GAREM2: variants seen among roughly 807,000 people sequenced by gnomAD.
GAREM2 encodes the protein GRB2-associated and regulator of MAPK protein 2.
In GAREM2, 30 loss-of-function variants were observed where a neutral mutation model predicts 55.6. The ratio of observed to expected loss-of-function variants is 0.54; its 90% CI spans 0.40 to 0.73. GAREM2 has a LOEUF of 0.73. GAREM2 is among the 30% of genes least tolerant of loss of function. The pLI is 0.00. For missense variants in GAREM2, 1,075 were observed against 1,257.7 expected, an observed-to-expected ratio of 0.85 and a Z score of 2.20; for synonymous variants, 550 against 569.1, an observed-to-expected ratio of 0.97 and a Z score of 0.48.
intron 1 of GAREM2, among the ~76,000 whole-genome samples, chr2:26,175,477 T>TGAGGG (rs988968621): frequency 2.0e-5 from 3 of 152,032 alleles, no homozygotes; most frequent in Non-Finnish European, 4.4e-5. Context: ...ACTGGGAGGA[T>TGAGGG]GAGGGGGCGT....
Position 26,182,444 on chromosome 2 carries a change from C to A in GAREM2, c.254-523C>A, listed in dbSNP as rs1669081014. On this transcript the variant is annotated intron_variant, in intron 2 of 5. Coordinates refer to ENST00000401533, the MANE Select transcript of GAREM2 (RefSeq NM_001168241.2). ...CCAGGCCCTGGTTGGCCCAGTGCCA[C>A]CTCCATGCGGATCAGCAGCCCAGGG... The A allele has an allele frequency of 2.6e-6, 4 of 1,550,380 alleles. No individual in the cohort carries two copies. In the African/African-American group the frequency reaches 4.1e-5, roughly 16 times the overall value.
downstream of GAREM2, chr2:26,189,750 C>CTGA (rs1669432349): frequency 6.6e-6 from 1 of 152,276 alleles, no homozygotes; most frequent in African/African-American, 2.4e-5. Flanking sequence ...CAGGAGAGGA[C>CTGA]TGATGGAGGA....
At chr2:26,189,899 C>G (rs1669439123), downstream of GAREM2, among the ~76,000 whole-genome samples, 1 of 152,206 alleles carries the variant, frequency 6.6e-6, no homozygotes, top group Non-Finnish European at 1.5e-5. Context: ...CAACATAATT[C>G]ACACCTACCT....
At chr2:26,173,396 G>A in intron 1 of GAREM2, 64 bp downstream of exon 1, 1 of 933,536 alleles carries the variant, frequency 1.1e-6, no homozygotes, top group Non-Finnish European at 1.4e-6. Flanking sequence ...TCCAGCCAGG[G>A]GCCAGAGGGA....
the GAREM2 span, among the ~76,000 whole-genome samples, chr2:26,196,744 C>G: frequency 6.6e-6 from 1 of 152,196 alleles, no homozygotes; most frequent in Non-Finnish European, 1.5e-5. Flanking sequence ...TTGCTCTGCT[C>G]CGATGGCGGG....
chr2:26,174,490 G>A (rs1359971495), intron 1 of GAREM2, among the ~76,000 whole-genome samples: 1 of 152,210 alleles, frequency 6.6e-6, no homozygotes, highest in Non-Finnish European at 1.5e-5. Context: ...GGGCTCCCCG[G>A]CCACCTCATG....
chr2:26,186,065 C>G (rs968200519), intron 4 of GAREM2, 124 bp from the exon 5 acceptor site: 1 of 937,640 alleles, frequency 1.1e-6, no homozygotes, highest in Non-Finnish European at 1.5e-6. Flanking sequence ...TGCAAGGCAG[C>G]CTATTGGCAA....
intron 1 of GAREM2, among the ~76,000 whole-genome samples, chr2:26,175,625 C>G (rs188184767): frequency 6.6e-6 from 1 of 152,102 alleles, no homozygotes; most frequent in Non-Finnish European, 1.5e-5. Flanking sequence ...TGGGGACTCC[C>G]CCCCTCTCCT....
At chr2:26,186,705 G>A (rs1452286060) in intron 5 of GAREM2, among the ~76,000 whole-genome samples, 1 of 152,246 alleles carries the variant, frequency 6.6e-6, no homozygotes, top group East Asian at 1.9e-4. Context: ...GCCAGGTGCG[G>A]TGGCTGATGC....
At position 26,178,889 on chromosome 2, in the gene GAREM2, A is replaced by AGGAGGCGGAGGAGGAGGCGGAGGC. The variant is rs577641882; in HGVS notation, c.253+2416_253+2417insAGGAGGCGGAGGCGGAGGCGGAGG. ...GTCCGCCCGCACGGGGGAGGGGAGG[A>AGGAGGCGGAGGAGGAGGCGGAGGC]GGAGGCGGAGGCGGAGGCAGAGGCC... is the stretch of plus-strand genomic sequence containing the variant. On this transcript the variant is annotated intron_variant, in intron 2 of 5. Coordinates refer to ENST00000401533, the MANE Select transcript of GAREM2 (RefSeq NM_001168241.2). Among the ~76,000 whole-genome samples, 91 of 149,814 alleles carry AGGAGGCGGAGGAGGAGGCGGAGGC rather than the reference A, an allele frequency of 6.1e-4. 1 individual carries two copies. The highest frequency in any genetic ancestry group is 7.6e-4 in the Non-Finnish European group (51 of 67,470).
downstream of GAREM2, among the ~76,000 whole-genome samples, chr2:26,194,414 C>T (rs566283932): frequency 3.2e-4 from 49 of 152,226 alleles, no homozygotes; most frequent in Middle Eastern, 3.4e-3. Context: ...GCCCAACTTC[C>T]GACTGCTGTG....
At chr2:26,193,293 C>CTTT (rs370942158), downstream of GAREM2, among the ~76,000 whole-genome samples, 18,830 of 114,994 alleles carry the variant, frequency 0.16, 3,420 homozygotes, top group East Asian at 0.73. Flanking sequence ...CACATGACAT[C>CTTT]TTTTTTTTTT....
the GAREM2 span, among the ~76,000 whole-genome samples, chr2:26,196,944 G>A: frequency 6.6e-6 from 1 of 152,148 alleles, no homozygotes; most frequent in Non-Finnish European, 1.5e-5. Flanking sequence ...CTTCTAATCT[G>A]CTGTGTGCTA....
At chr2:26,196,717 A>G in the GAREM2 span, among the ~76,000 whole-genome samples, 1 of 152,226 alleles carries the variant, frequency 6.6e-6, no homozygotes, top group Non-Finnish European at 1.5e-5. Flanking sequence ...GGAGGGCAGA[A>G]CTGCAAAGTG....
At chr2:26,183,653 T>C (rs1424911602) in intron 3 of GAREM2, among the ~76,000 whole-genome samples, 2 of 152,168 alleles carry the variant, frequency 1.3e-5, no homozygotes, top group East Asian at 1.9e-4. Flanking sequence ...TGCCAGGAGT[T>C]TGAGGCTGCA....
At chr2:26,194,805 G>A in the GAREM2 span, among the ~76,000 whole-genome samples, 1 of 152,042 alleles carries the variant, frequency 6.6e-6, no homozygotes, top group South Asian at 2.1e-4. Flanking sequence ...AGGGGAAGCC[G>A]TACTAGGGGT....
chr2:26,173,355 G>T lies in GAREM2; in HGVS notation c.112+23G>T, dbSNP rs1296813324. On this transcript the variant is annotated intron_variant, in intron 1 of 5. Coordinates refer to ENST00000401533, the MANE Select transcript of GAREM2 (RefSeq NM_001168241.2). ...CAGGTACCGGGGTCGCTGGAGATGG[G>T]GACCGGGGTCCGCGGGGAAATGGTG... The T allele has an allele frequency of 1.2e-5, 15 of 1,290,872 alleles. 1 individual carries two copies. The South Asian group carries it at 2.5e-4, about 21-fold the overall frequency. The allele number at this position is 1,290,872 out of a possible 1,614,324, so 80.0% of individuals were successfully genotyped here. A position where few individuals can be genotyped will look rare whatever the true frequency, so the allele number is the denominator to read the frequency against.
rs1464483543 is a variant in GAREM2, at chr2:26,187,567, C to T, written c.1935C>T (p.Ala645=). ...GPAYPSGPSA[A]LSSGPRTTSG... ...CCTACCCCTCAGGCCCTTCAGCGGC[C>T]TTGTCTTCTGGGCCCAGAACCACCT... Residue 645 remains alanine (A), a synonymous_variant, in exon 6 of 6, where the codon GCC becomes GCT. Transcript: ENST00000401533. 1.2e-5 allele frequency: 19 copies of T among 1,545,644 alleles called. No homozygotes were observed. The highest frequency in any genetic ancestry group is 4.9e-5 in the East Asian group (2 of 40,844).
rs920851960 is a variant in GAREM2 at position 26,185,221 on chromosome 2, C to G, written c.1373C>G (p.Pro458Arg). Residue 458 changes from proline to arginine, a missense_variant, in exon 4 of 6, where the codon CCG becomes CGG. Pro to Arg is a moderately radical substitution (Grantham distance 103). Transcript: ENST00000401533. Reference sequence around the variant, plus strand: ...CTCATCTCCTTCGGGGCCGCGGGACCGCCGCGTCGGGAGCCGGAAGCGCCG... The same window carrying G: ...CTCATCTCCTTCGGGGCCGCGGGACGGCCGCGTCGGGAGCCGGAAGCGCCG... Reference protein sequence around the residue: ...LDLISFGAAGPPRREPEAPPP... With the variant: ...LDLISFGAAGRPRREPEAPPP... 4.6e-6 allele frequency: 7 copies of G among 1,521,528 alleles called. No homozygotes were observed. Among genetic ancestry groups the G allele is most frequent in the Non-Finnish European group, 5.3e-6 (6 of 1,141,458 alleles). The allele number at this position is 1,521,528 out of a possible 1,614,324, so 94.3% of individuals were successfully genotyped here.
Sources: gnomAD v4.1 joint callset for allele counts (sites outside exome capture counted in the v4.1 genomes callset) on GRCh38, gnomAD v4.1.1 for gene constraint, MANE v1.5 for transcripts, NCBI Gene and HGNC (gene_info 2026-07-23, HGNC 2026-07-21) for gene names.